The following PRKN variants were observed in gnomAD, a reference collection of about 807,000 sequenced individuals.
PRKN encodes the protein parkin RBR E3 ubiquitin protein ligase, also known as E3 ubiquitin-protein ligase parkin.
In PRKN, 56 loss-of-function variants were observed where a neutral mutation model predicts 59.5. That is an observed-to-expected ratio of 0.94 (90% CI 0.76 to 1.18). The LOEUF is 1.18. Ranked by LOEUF, PRKN falls within the 50% of genes most tolerant of loss-of-function variation. The pLI, the probability that PRKN is intolerant of heterozygous loss-of-function variation, is 0.00. For synonymous variants in PRKN, 250 were observed against 222.1 expected (o/e 1.13, Z -1.12); for missense variants, 657 against 596.4 (o/e 1.10, Z -1.06).
intron 7 of PRKN, among the ~76,000 whole-genome samples, chr6:161,722,203 C>T (rs9458343): frequency 0.19 from 29,515 of 151,942 alleles, 2,966 homozygotes; most frequent in African/African-American, 0.22. Context: ...ATAGAAAATT[C>T]GGGGGGAAAA....
At chr6:162,559,393 C>T (rs1583803477) in intron 1 of PRKN, among the ~76,000 whole-genome samples, 1 of 152,134 alleles carries the variant, frequency 6.6e-6, no homozygotes, top group African/African-American at 2.4e-5. Context: ...TCCCATCACA[C>T]ACCCTTCCCC....
chr6:161,719,139 C>CT (rs747634857), intron 7 of PRKN, among the ~76,000 whole-genome samples: 2 of 151,826 alleles, frequency 1.3e-5, no homozygotes, highest in Non-Finnish European at 2.9e-5. Context: ...CCCTCATCGC[C>CT]TAGCGAAGGG....
chr6:162,704,540 G>A (rs1397728273), intron 1 of PRKN, among the ~76,000 whole-genome samples: 2 of 152,162 alleles, frequency 1.3e-5, no homozygotes, highest in Non-Finnish European at 2.9e-5. Context: ...TTTCACTGAT[G>A]CCTTAAAATG....
chr6:162,142,068 C>T (rs577002638), intron 4 of PRKN, among the ~76,000 whole-genome samples: 1 of 152,192 alleles, frequency 6.6e-6, no homozygotes, highest in East Asian at 1.9e-4. Context: ...GCATAAGCTG[C>T]TTAAAAGATT....
chr6:161,829,625 G>A (rs1792395489), intron 6 of PRKN, among the ~76,000 whole-genome samples: 1 of 152,070 alleles, frequency 6.6e-6, no homozygotes, highest in Non-Finnish European at 1.5e-5. Context: ...GCCACTCTCA[G>A]GATGCAGCCT....
intron 1 of PRKN, among the ~76,000 whole-genome samples, chr6:162,716,249 G>A (rs1399017133): frequency 6.6e-6 from 1 of 152,054 alleles, no homozygotes; most frequent in African/African-American, 2.4e-5. Context: ...CAATGTATAA[G>A]GGAATATTTT....
At chr6:161,477,195 T>C (rs922251206) in intron 9 of PRKN, among the ~76,000 whole-genome samples, 2 of 152,184 alleles carry the variant, frequency 1.3e-5, no homozygotes, top group Admixed American at 1.3e-4. Flanking sequence ...TTGCAGGCGA[T>C]CAGCAGCTTG....
At chr6:162,574,770 T>TTTTTG (rs1257869066) in intron 1 of PRKN, among the ~76,000 whole-genome samples, 1 of 151,410 alleles carries the variant, frequency 6.6e-6, no homozygotes, top group Non-Finnish European at 1.5e-5. Flanking sequence ...CTAAGTTGTT[T>TTTTTG]TTTTTTTTTG....
At chr6:161,374,375 T>C (rs1785567247) in intron 10 of PRKN, among the ~76,000 whole-genome samples, 2 of 148,362 alleles carry the variant, frequency 1.3e-5, no homozygotes, top group South Asian at 4.4e-4. Context: ...GTGTTGTGTA[T>C]GTGTGGTGTA....
At chr6:162,495,109 T>C (rs1413626334) in intron 1 of PRKN, among the ~76,000 whole-genome samples, 1 of 152,214 alleles carries the variant, frequency 6.6e-6, no homozygotes, top group Admixed American at 6.5e-5. Flanking sequence ...ATAGAGCTAT[T>C]TGGGTAGAGT....
chr6:162,581,079 G>A (rs1216589926), intron 1 of PRKN, among the ~76,000 whole-genome samples: 1 of 152,134 alleles, frequency 6.6e-6, no homozygotes, highest in Non-Finnish European at 1.5e-5. Flanking sequence ...CAATGAGGGT[G>A]TCACCACTAA....
intron 5 of PRKN, among the ~76,000 whole-genome samples, chr6:162,027,048 T>C (rs928043569): frequency 2.0e-5 from 3 of 152,156 alleles, no homozygotes; most frequent in African/African-American, 7.2e-5. Flanking sequence ...TTGCCTGTGG[T>C]CACGTGGTAT....
At chr6:161,496,559 A>G (rs1423094089) in intron 9 of PRKN, among the ~76,000 whole-genome samples, 1 of 152,240 alleles carries the variant, frequency 6.6e-6, no homozygotes, top group Non-Finnish European at 1.5e-5. Flanking sequence ...TCCCCTTTAT[A>G]AAACCATCAG....
intron 1 of PRKN, among the ~76,000 whole-genome samples, chr6:162,615,137 T>C (rs1484780735): frequency 6.6e-6 from 1 of 152,178 alleles, no homozygotes; most frequent in Non-Finnish European, 1.5e-5. Flanking sequence ...ATTTATTTTG[T>C]CTCCAAGTTT....
intron 5 of PRKN, among the ~76,000 whole-genome samples, chr6:162,043,271 C>G (rs1354997928): frequency 6.6e-6 from 1 of 152,108 alleles, no homozygotes; most frequent in African/African-American, 2.4e-5. Context: ...GGGGATATAG[C>G]CAAACCATAT....
intron 1 of PRKN, among the ~76,000 whole-genome samples, chr6:162,669,377 C>A (rs1321786704): frequency 6.6e-6 from 1 of 152,116 alleles, no homozygotes; most frequent in Non-Finnish European, 1.5e-5. Context: ...CCATTAAAAA[C>A]CACTATGTTT....
Position 161,899,501 on chromosome 6 carries a change from A to T in PRKN, c.734+73801T>A, listed in dbSNP as rs888210705. 2.6e-5 allele frequency among the ~76,000 whole-genome samples: 4 copies of T among 152,206 alleles called. No individual in the cohort carries two copies. The East Asian group carries it at 7.7e-4, about 29-fold the overall frequency. ...ATAAAAGATATCCAGCCACAGGTGA[A>T]GGGTGTTCATCACTGGGAAGTGGGG... On this transcript the variant is annotated intron_variant, in intron 6 of 11. Coordinates refer to ENST00000366898, the MANE Select transcript of PRKN (RefSeq NM_004562.3).
intron 10 of PRKN, among the ~76,000 whole-genome samples, chr6:161,380,516 C>T (rs897522106): frequency 4.9e-4 from 71 of 145,582 alleles, no homozygotes; most frequent in Non-Finnish European, 2.2e-4. Flanking sequence ...CAGCTTTAAG[C>T]GATTTTCCTG....
At position 161,428,920 on chromosome 6, in the gene PRKN, AC is replaced by A. The variant is rs1436063805; in HGVS notation, c.1084-42044del. Among the ~76,000 whole-genome samples the A allele has an allele frequency of 6.6e-6, 1 of 152,038 alleles. No individual in the cohort carries two copies. Among genetic ancestry groups the A allele is most frequent in the Non-Finnish European group, 1.5e-5 (1 of 68,004 alleles). Reference sequence around the variant, plus strand: ...TGGCTAGGGGTCCCTGGTTTCTCCCACCTTCTTCCTGATGGCCAGGCATACA... The same window carrying A: ...TGGCTAGGGGTCCCTGGTTTCTCCCACTTCTTCCTGATGGCCAGGCATACA... On this transcript the variant is annotated intron_variant, in intron 9 of 11. Transcript: ENST00000366898. The surrounding 1 kb of genome is among the most constrained non-coding windows in gnomAD (Gnocchi z 4.0).
Sources: allele counts gnomAD v4.1 joint callset (sites outside exome capture counted in the v4.1 genomes callset), GRCh38; gene constraint gnomAD v4.1.1; non-coding constraint Gnocchi (gnomAD v3.1); transcripts MANE v1.5; gene names NCBI Gene and HGNC (gene_info 2026-07-23, HGNC 2026-07-21).